Variants in WDR25 observed in about 807,000 individuals in gnomAD.
WDR25 encodes WD repeat domain 25, also known as WD repeat-containing protein 25.
In WDR25, 35 loss-of-function variants were observed where a neutral mutation model predicts 47.7. The observed-to-expected ratio is 0.73, with a 90% CI of 0.56 to 0.97. The LOEUF (loss-of-function observed/expected upper bound fraction) is 0.97, where lower values mean the gene tolerates loss of function less well. Ranked by LOEUF, WDR25 falls within the 50% of genes least tolerant of loss-of-function variation. The probability of loss-of-function intolerance (pLI) is 0.00; values close to 1 mark genes in which losing one functional copy is unlikely to be tolerated. For missense variants in WDR25, 634 were observed against 704.7 expected (o/e 0.90, Z 1.14); for synonymous variants, 248 against 278.9 (o/e 0.89, Z 1.10).
chr14:100,510,800 G>A (rs1283465608), intron 4 of WDR25, among the ~76,000 whole-genome samples: 2 of 144,852 alleles, frequency 1.4e-5, no homozygotes, highest in African/African-American at 5.5e-5. Flanking sequence ...ACAGGGTCTC[G>A]CCATGTTGCC....
At chr14:100,501,436 C>T (rs1003074712) in intron 4 of WDR25, among the ~76,000 whole-genome samples, 8 of 152,144 alleles carry the variant, frequency 5.3e-5, no homozygotes, top group Non-Finnish European at 7.4e-5. Flanking sequence ...TACCTTCCCC[C>T]CAGCCAGACA....
intron 2 of WDR25, among the ~76,000 whole-genome samples, chr14:100,458,806 T>C (rs1899286424): frequency 6.6e-6 from 1 of 152,106 alleles, no homozygotes; most frequent in African/African-American, 2.4e-5. Context: ...CGTGGGTCAA[T>C]GAAGAAACAG....
At chr14:100,377,147 G>T (rs1896715300) in intron 1 of WDR25, among the ~76,000 whole-genome samples, 1 of 152,248 alleles carries the variant, frequency 6.6e-6, no homozygotes, top group Admixed American at 6.5e-5. Context: ...CTGGGCAGAG[G>T]AGTTGAGAGT....
chr14:100,443,171 C>T (rs1898721358), intron 2 of WDR25, among the ~76,000 whole-genome samples: 1 of 152,256 alleles, frequency 6.6e-6, no homozygotes, highest in African/African-American at 2.4e-5. Flanking sequence ...GCTCTTCTGA[C>T]TCCAAGCCTG....
At position 100,489,551 on chromosome 14, in the gene WDR25, A is replaced by C. The variant is rs75809748; in HGVS notation, c.1101+5427A>C. The stretch of plus-strand genomic sequence containing the variant: ...AAATTTGGTGAATCACCTTTTTTGC[A>C]GGACTACATTATGGAACCCCAACCT... On this transcript the variant is annotated intron_variant, in intron 4 of 6. Transcript: ENST00000402312. Among the ~76,000 whole-genome samples, 20 of 152,292 alleles carry C rather than the reference A, an allele frequency of 1.3e-4. No individual in the cohort carries two copies. The East Asian group carries it at 3.9e-3, about 29-fold the overall frequency.
rs1292139144 is a variant in WDR25, at chr14:100,525,074, T to G, written c.1102-796T>G. 6.6e-6 allele frequency among the ~76,000 whole-genome samples: 1 copy of G among 152,144 alleles called. No homozygotes were observed. Among genetic ancestry groups the G allele is most frequent in the Non-Finnish European group, 1.5e-5 (1 of 68,028 alleles). On this transcript the variant is annotated intron_variant, in intron 4 of 6. Transcript: ENST00000402312. The surrounding 1 kb of genome is among the most constrained non-coding windows in gnomAD (Gnocchi z 4.6). ...GACCGGCCGGCCCCTGCGACCAACT[T>G]GAGACCTTGCTGCGCTTCCATGGCT...
rs1900444641 is a variant in WDR25, at chr14:100,488,127, C to T, written c.1101+4003C>T. Among the ~76,000 whole-genome samples the T allele has an allele frequency of 6.6e-6, 1 of 152,164 alleles. No individual in the cohort carries two copies. The highest frequency in any genetic ancestry group is 2.4e-5 in the African/African-American group (1 of 41,442). ...CTCCCTGTCTCCTCTTCTTGGTGAT[C>T]TTGGGTGATCTCTCCGCCTCGGGTT... On this transcript the variant is annotated intron_variant, in intron 4 of 6. Transcript: ENST00000402312. This position sits in a 1 kb window ranked among gnomAD's most constrained non-coding sequence, Gnocchi z 4.2.
chr14:100,497,107 T>C (rs904060397), intron 4 of WDR25, among the ~76,000 whole-genome samples: 2 of 152,220 alleles, frequency 1.3e-5, no homozygotes, highest in African/African-American at 4.8e-5. Context: ...GAAAACATAC[T>C]TTGTATTTCA....
intron 2 of WDR25, among the ~76,000 whole-genome samples, chr14:100,411,150 A>G (rs1032519187): frequency 1.3e-5 from 2 of 152,186 alleles, no homozygotes; most frequent in African/African-American, 4.8e-5. Context: ...ACACATTTAA[A>G]TAGTCTCTGG....
rs1423094506 is a variant in WDR25, at chr14:100,500,294, G to T, written c.1101+16170G>T. 6.6e-6 allele frequency among the ~76,000 whole-genome samples: 1 copy of T among 152,158 alleles called. No individual in the cohort carries two copies. The highest frequency in any genetic ancestry group is 1.5e-5 in the Non-Finnish European group (1 of 68,030). ...TTCTGGGTGGTTCAGGACCTGCGGG[G>T]GCTGCGGGGAAGGCCCTGCCCTAAT... On this transcript the variant is annotated intron_variant, in intron 4 of 6. Coordinates refer to ENST00000402312, the MANE Select transcript of WDR25 (RefSeq NM_001161476.3). The surrounding 1 kb of genome is among the most constrained non-coding windows in gnomAD (Gnocchi z 4.7).
At chr14:100,434,440 C>G (rs987043604) in intron 2 of WDR25, among the ~76,000 whole-genome samples, 3 of 152,186 alleles carry the variant, frequency 2.0e-5, no homozygotes, top group Non-Finnish European at 2.9e-5. Flanking sequence ...AAAAAGAGGT[C>G]TAGTGATCAG....
At chr14:100,490,631 C>T (rs1900531579) in intron 4 of WDR25, among the ~76,000 whole-genome samples, 1 of 152,170 alleles carries the variant, frequency 6.6e-6, no homozygotes, top group Admixed American at 6.5e-5. Flanking sequence ...GCAGGTGATT[C>T]TAATGTATAG....
At chr14:100,497,163 C>T (rs1595147820) in intron 4 of WDR25, among the ~76,000 whole-genome samples, 1 of 152,162 alleles carries the variant, frequency 6.6e-6, no homozygotes, top group Non-Finnish European at 1.5e-5. Flanking sequence ...CAGAATATAG[C>T]CTGCAGTGTT....
intron 4 of WDR25, among the ~76,000 whole-genome samples, chr14:100,489,769 G>A (rs935397220): frequency 2.6e-5 from 4 of 152,028 alleles, no homozygotes; most frequent in African/African-American, 7.2e-5. Context: ...CCTACTCTGC[G>A]CCTGAGAAAA....
chr14:100,438,785 C>G (rs1210654758), intron 2 of WDR25, among the ~76,000 whole-genome samples: 1 of 152,168 alleles, frequency 6.6e-6, no homozygotes, highest in Non-Finnish European at 1.5e-5. Context: ...TCTCAGCCAC[C>G]CTGTGAGGTT....
chr14:100,509,215 T>A (rs1901218825), intron 4 of WDR25, among the ~76,000 whole-genome samples: 2 of 152,210 alleles, frequency 1.3e-5, no homozygotes, highest in African/African-American at 4.8e-5. Flanking sequence ...ACTTTCTTTG[T>A]AGGTAGATAT....
chr14:100,383,124 A>G (rs1345547178), intron 2 of WDR25, among the ~76,000 whole-genome samples: 1 of 152,208 alleles, frequency 6.6e-6, no homozygotes, highest in Non-Finnish European at 1.5e-5. Flanking sequence ...GATGGGTGGC[A>G]TTTTTAAGTG....
chr14:100,486,465 T>C (rs778184463), intron 4 of WDR25, among the ~76,000 whole-genome samples: 4 of 152,204 alleles, frequency 2.6e-5, no homozygotes, highest in Non-Finnish European at 5.9e-5. Flanking sequence ...TTACTTCCTT[T>C]CTACCAACAA....
intron 1 of WDR25, among the ~76,000 whole-genome samples, chr14:100,380,525 G>A (rs1322665645): frequency 6.9e-5 from 10 of 145,894 alleles, no homozygotes; most frequent in East Asian, 4.1e-4. Flanking sequence ...TCAGAGTCTC[G>A]CTCTTGTTGA....
Sources: allele counts gnomAD v4.1 joint callset (sites outside exome capture counted in the v4.1 genomes callset), GRCh38; gene constraint gnomAD v4.1.1; non-coding constraint Gnocchi (gnomAD v3.1); transcripts MANE v1.5; gene names NCBI Gene and HGNC (gene_info 2026-07-23, HGNC 2026-07-21).